Variants in TNRC6C observed in about 807,000 individuals in gnomAD.
TNRC6C encodes trinucleotide repeat-containing gene 6C protein.
Under a neutral mutation model 153.7 loss-of-function variants are expected in TNRC6C, and 20 were observed. The observed-to-expected ratio is 0.13, with a 90% CI of 0.09 to 0.19. TNRC6C has a LOEUF of 0.19. Among genes scored for constraint, TNRC6C ranks in the 10% least tolerant of loss-of-function variants. The probability of loss-of-function intolerance (pLI) is 1.00; values close to 1 mark genes in which losing one functional copy is unlikely to be tolerated. For missense variants in TNRC6C, 1,987 were observed against 2,172.0 expected (o/e 0.91, Z 1.69); for synonymous variants, 811 against 841.4 (o/e 0.96, Z 0.63).
intron 3 of TNRC6C, among the ~76,000 whole-genome samples, chr17:78,060,303 A>G (rs2072740707): frequency 6.6e-6 from 1 of 152,146 alleles, no homozygotes; most frequent in Admixed American, 6.5e-5. Flanking sequence ...TTCCTCCATA[A>G]GCAAGTACCC....
intron 1 of TNRC6C, among the ~76,000 whole-genome samples, chr17:77,975,003 G>A (rs1271999617): frequency 8.2e-6 from 1 of 121,238 alleles, no homozygotes; most frequent in Non-Finnish European, 1.6e-5. Flanking sequence ...TATCTTTCTA[G>A]TAATCAAAGA....
At chr17:78,078,430 T>C (rs2073121405) in intron 9 of TNRC6C, among the ~76,000 whole-genome samples, 1 of 152,238 alleles carries the variant, frequency 6.6e-6, no homozygotes, top group Non-Finnish European at 1.5e-5. Flanking sequence ...TACCTGAATT[T>C]GTCAGTTCAT....
Position 78,075,014 on chromosome 17 carries a change from C to T in TNRC6C, c.2918-122C>T. 1 of 1,284,566 alleles carries T rather than the reference C, an allele frequency of 7.8e-7. No homozygotes were observed. Among genetic ancestry groups the T allele is most frequent in the East Asian group, 2.5e-5 (1 of 39,288 alleles). The allele number at this position is 1,284,566 out of a possible 1,614,324, so 79.6% of individuals were successfully genotyped here. On this transcript the variant is annotated intron_variant, in intron 7 of 19. Transcript: ENST00000301624. This position sits in a 1 kb window ranked among gnomAD's most constrained non-coding sequence, Gnocchi z 4.2. ...AAGCAAGGGCTCTCTCTGCCCCTGG[C>T]TTCCCTGTGTTTGAAGGGGTGGAGG...
upstream of TNRC6C, among the ~76,000 whole-genome samples, chr17:78,001,830 A>C (rs2071417760): frequency 6.6e-6 from 1 of 152,190 alleles, no homozygotes; most frequent in Non-Finnish European, 1.5e-5. Flanking sequence ...AAAGTAGATA[A>C]GGGATGCCAA....
intron 1 of TNRC6C, among the ~76,000 whole-genome samples, chr17:78,014,801 C>T (rs559853143): frequency 2.0e-4 from 30 of 151,722 alleles, no homozygotes; most frequent in Non-Finnish European, 3.5e-4. Context: ...AATGTTGCCA[C>T]GGTGATAGAT....
intron 1 of TNRC6C, among the ~76,000 whole-genome samples, chr17:78,016,510 C>A (rs1031980339): frequency 1.3e-5 from 2 of 152,340 alleles, no homozygotes; most frequent in East Asian, 3.9e-4. Flanking sequence ...AATGGGATGG[C>A]TGTTCATTAA....
Position 78,079,276 on chromosome 17 carries a change from C to T in TNRC6C, c.3211-119C>T. The T allele has an allele frequency of 7.0e-7, 1 of 1,423,148 alleles. No homozygotes were observed. The highest frequency in any genetic ancestry group is 9.5e-7 in the Non-Finnish European group (1 of 1,048,136). 88.2% of individuals were successfully genotyped at this position (1,423,148 alleles called of 1,614,324 possible). A position where few individuals can be genotyped will look rare whatever the true frequency, so the allele number is the denominator to read the frequency against. On this transcript the variant is annotated intron_variant, in intron 9 of 19. Transcript: ENST00000301624. This position sits in a 1 kb window ranked among gnomAD's most constrained non-coding sequence, Gnocchi z 4.3. ...AAAAATTCTCTTGGGTACAAGTTGACAGTGGTAGGAAGTAGAAACAATTTT... is the reference window on the plus strand; with the variant it reads ...AAAAATTCTCTTGGGTACAAGTTGATAGTGGTAGGAAGTAGAAACAATTTT...
intron 1 of TNRC6C, chr17:78,011,912 C>T (rs2071639461): frequency 6.6e-6 from 1 of 152,170 alleles, no homozygotes; most frequent in African/African-American, 2.4e-5. Context: ...TAATGTGGCA[C>T]TTTATTTTAA....
chr17:78,006,492 TTTC>T (rs57078929), intron 1 of TNRC6C, among the ~76,000 whole-genome samples: 12,729 of 110,142 alleles, frequency 0.12, 833 homozygotes, highest in East Asian at 0.15. Flanking sequence ...CTTCTTCTTC[TTTC>T]TTCTTCTTCT....
At chr17:78,076,238 A>AGAAAAAG (rs112729090) in intron 8 of TNRC6C, among the ~76,000 whole-genome samples, 1 of 150,782 alleles carries the variant, frequency 6.6e-6, no homozygotes, top group African/African-American at 2.4e-5. Flanking sequence ...AAAAAGAAAA[A>AGAAAAAG]AAAAAAAGGA....
chr17:78,046,670 A>C (rs973632526), intron 2 of TNRC6C, among the ~76,000 whole-genome samples: 1 of 152,236 alleles, frequency 6.6e-6, no homozygotes, highest in Non-Finnish European at 1.5e-5. Flanking sequence ...GTCCAAGGTC[A>C]TAGAGATGGT....
upstream of TNRC6C, among the ~76,000 whole-genome samples, chr17:78,003,020 AT>A (rs1360747528): frequency 6.6e-6 from 1 of 152,216 alleles, no homozygotes; most frequent in Non-Finnish European, 1.5e-5. Context: ...ATAGGAAGTT[AT>A]GGTCAGAATG....
intron 3 of TNRC6C, among the ~76,000 whole-genome samples, chr17:78,057,963 T>G (rs957989141): frequency 6.6e-6 from 1 of 152,196 alleles, no homozygotes; most frequent in East Asian, 1.9e-4. Flanking sequence ...TATAGCTTCC[T>G]AAACTGGATT....
Position 78,033,167 on chromosome 17 carries a change from G to A in TNRC6C, c.-219+1325G>A, listed in dbSNP as rs183638271. On this transcript the variant is annotated intron_variant, in intron 2 of 19. Coordinates refer to ENST00000301624, the Ensembl canonical transcript of TNRC6C. Reference sequence around the variant, plus strand: ...GCCCTGCCTGTTCTGGTTGTATCTGGTTGTGATGTGATTGGTTGACAGTAT... The same window carrying A: ...GCCCTGCCTGTTCTGGTTGTATCTGATTGTGATGTGATTGGTTGACAGTAT... Among the ~76,000 whole-genome samples the A allele has an allele frequency of 1.0e-3, 158 of 152,286 alleles. 1 individual carries two copies. The highest frequency in any genetic ancestry group is 1.6e-3 in the Non-Finnish European group (111 of 68,012).
chr17:78,049,505 T>C lies in TNRC6C; in HGVS notation c.443T>C (p.Leu148Ser), dbSNP rs551439134. Residue 148 changes from leucine to serine, a missense_variant, in exon 3 of 20, where the codon TTA becomes TCA. Around this residue, in one of 4 missense-constraint regions of TNRC6C, gnomAD observed 1,052 missense variants for 1,017.0 expected, o/e 1.03. Transcript: ENST00000301624. This position sits in a 1 kb window ranked among gnomAD's most constrained non-coding sequence, Gnocchi z 4.1. ...CAGAACGGGAACCCAACAGGCACTT[T>C]AGGTGCTTGGGGAAACTTGCTGCCA... 2 of 1,614,042 alleles carry C rather than the reference T, an allele frequency of 1.2e-6. No homozygotes were observed. Among genetic ancestry groups the C allele is most frequent in the South Asian group, 2.2e-5 (2 of 91,088 alleles).
intron 1 of TNRC6C, among the ~76,000 whole-genome samples, chr17:78,031,225 T>C (rs939949683): frequency 2.0e-5 from 3 of 152,088 alleles, no homozygotes; most frequent in Middle Eastern, 3.2e-3. Context: ...CTCTAGGTGA[T>C]TGTGATGCAA....
At chr17:78,050,541 C>T (rs769369388) in exon 3 of TNRC6C, 72 of 1,613,608 alleles carry the variant, frequency 4.5e-5, no homozygotes, top group Non-Finnish European at 5.8e-5. Flanking sequence ...GGGGGAAGAA[C>T]GATGGGTCCA....
chr17:78,073,872 G>A lies in TNRC6C; in HGVS notation c.2917+778G>A, dbSNP rs528110361. On this transcript the variant is annotated intron_variant, in intron 7 of 19. Transcript: ENST00000301624. Reference sequence around the variant, plus strand: ...TGGCTTTCATACTCAAAACAATGCCGTCCACCACACTTCCTAGTCATCATC... The same window carrying A: ...TGGCTTTCATACTCAAAACAATGCCATCCACCACACTTCCTAGTCATCATC... Among the ~76,000 whole-genome samples, 20 of 152,188 alleles carry A rather than the reference G, an allele frequency of 1.3e-4. 2 individuals carry two copies. The highest frequency in any genetic ancestry group is 4.8e-4 in the African/African-American group (20 of 41,514).
At chr17:77,982,568 A>G (rs1006763131) in intron 1 of TNRC6C, among the ~76,000 whole-genome samples, 1 of 152,246 alleles carries the variant, frequency 6.6e-6, no homozygotes, top group African/African-American at 2.4e-5. Flanking sequence ...GCGGTGGCTC[A>G]TGCCTGTAGT....
Sources: allele counts gnomAD v4.1 joint callset (sites outside exome capture counted in the v4.1 genomes callset), GRCh38; gene constraint gnomAD v4.1.1; regional missense constraint gnomAD v4.1.1; non-coding constraint Gnocchi (gnomAD v3.1); transcripts MANE v1.5; gene names NCBI Gene and HGNC (gene_info 2026-07-23, HGNC 2026-07-21).